The following TRABD2B variants were observed in gnomAD, a reference collection of about 807,000 sequenced individuals.
TRABD2B encodes TraB domain containing 2B.
A neutral mutation model predicts 40.1 loss-of-function variants in TRABD2B; 14 were observed. That is an observed-to-expected ratio of 0.35 (90% CI 0.23 to 0.55). The LOEUF is 0.55. TRABD2B is among the 20% of genes least tolerant of loss of function. The pLI, the probability that TRABD2B is intolerant of heterozygous loss-of-function variation, is 0.90. For missense variants in TRABD2B, 541 were observed against 648.6 expected, an observed-to-expected ratio of 0.83 and a Z score of 1.80; for synonymous variants, 263 against 277.0, an observed-to-expected ratio of 0.95 and a Z score of 0.50.
At chr1:47,870,441 T>C (rs1644123912) in intron 2 of TRABD2B, among the ~76,000 whole-genome samples, 1 of 152,144 alleles carries the variant, frequency 6.6e-6, no homozygotes, top group African/African-American at 2.4e-5. Context: ...CTTCCTCAAT[T>C]TCCTACACCC....
chr1:47,992,266 G>A lies in TRABD2B; in HGVS notation c.666+1768C>T, dbSNP rs112029259. Among the ~76,000 whole-genome samples the A allele has an allele frequency of 2.6e-3, 391 of 152,214 alleles. 2 individuals are homozygous for A. Among genetic ancestry groups the A allele is most frequent in the South Asian group, 0.017 (84 of 4,818 alleles). ...GGAGACTGTCAGCAGGCTCCCTCCC[G>A]GCCGATGAATGGCTCTCAGTAACTT... On this transcript the variant is annotated intron_variant, in intron 2 of 6. Coordinates refer to ENST00000606738, the MANE Select transcript of TRABD2B (RefSeq NM_001194986.2).
chr1:47,773,456 A>G (rs1016060196), intron 6 of TRABD2B, among the ~76,000 whole-genome samples: 2 of 152,236 alleles, frequency 1.3e-5, no homozygotes, highest in African/African-American at 4.8e-5. Context: ...CGTAACTCCC[A>G]TAATTCCCAC....
chr1:47,846,541 C>T (rs1364988089), intron 2 of TRABD2B, among the ~76,000 whole-genome samples: 5 of 152,152 alleles, frequency 3.3e-5, no homozygotes, highest in African/African-American at 7.2e-5. Flanking sequence ...GTGACCCTCA[C>T]GTCTGAGGTG....
At chr1:47,775,760 G>A (rs975819537) in intron 5 of TRABD2B, among the ~76,000 whole-genome samples, 6 of 152,186 alleles carry the variant, frequency 3.9e-5, no homozygotes, top group Admixed American at 3.9e-4. Flanking sequence ...CAAAGCAGCA[G>A]ACAGAGAGTA....
At chr1:47,874,041 A>ACTAC (rs1644182908) in intron 2 of TRABD2B, among the ~76,000 whole-genome samples, 1 of 152,080 alleles carries the variant, frequency 6.6e-6, no homozygotes, top group East Asian at 1.9e-4. Context: ...GAGAAAGAAG[A>ACTAC]CTACCTGTCT....
chr1:47,804,195 C>T (rs1644859482), intron 2 of TRABD2B, among the ~76,000 whole-genome samples: 1 of 152,224 alleles, frequency 6.6e-6, no homozygotes, highest in South Asian at 2.1e-4. Flanking sequence ...CAAAACTCCA[C>T]CTCTGGGCCT....
intron 2 of TRABD2B, among the ~76,000 whole-genome samples, chr1:47,931,532 G>T (rs574203114): frequency 3.9e-5 from 6 of 152,114 alleles, no homozygotes; most frequent in African/African-American, 1.4e-4. Context: ...AACACTGGCC[G>T]TTCCCACTTC....
At chr1:47,964,701 G>A (rs1339714854) in intron 2 of TRABD2B, among the ~76,000 whole-genome samples, 1 of 152,132 alleles carries the variant, frequency 6.6e-6, no homozygotes, top group Non-Finnish European at 1.5e-5. Flanking sequence ...TTCAACTAGG[G>A]TATTACGGTA....
At chr1:47,981,316 A>G (rs751433383) in intron 2 of TRABD2B, among the ~76,000 whole-genome samples, 83 of 152,254 alleles carry the variant, frequency 5.5e-4, no homozygotes, top group Non-Finnish European at 1.0e-3. Context: ...ACCCGGCCAC[A>G]TTCTCTCTTT....
In TRABD2B at chr1:47,813,952, G is replaced by C. The variant is rs984654694; in HGVS notation, c.667-12333C>G. ...GGGAGGAAGTTCCAGGAAGACTTGCGACAAGATCAAGTAACATTCATTAAG... is the reference window on the plus strand; with the variant it reads ...GGGAGGAAGTTCCAGGAAGACTTGCCACAAGATCAAGTAACATTCATTAAG... On this transcript the variant is annotated intron_variant, in intron 2 of 6. Coordinates refer to ENST00000606738, the MANE Select transcript of TRABD2B (RefSeq NM_001194986.2). The surrounding 1 kb of genome is among the most constrained non-coding windows in gnomAD (Gnocchi z 4.3). 6.6e-6 allele frequency among the ~76,000 whole-genome samples: 1 copy of C among 152,174 alleles called. No homozygotes were observed. Among genetic ancestry groups the C allele is most frequent in the Non-Finnish European group, 1.5e-5 (1 of 68,032 alleles).
intron 2 of TRABD2B, among the ~76,000 whole-genome samples, chr1:47,839,832 T>C (rs1158809824): frequency 1.3e-5 from 2 of 152,190 alleles, no homozygotes; most frequent in Admixed American, 6.5e-5. Flanking sequence ...TCCATAGCAG[T>C]AAAGCAGAAC....
In TRABD2B at chr1:47,762,064, A is replaced by G. The variant is rs975980531; in HGVS notation, c.*3838T>C. On this transcript the variant is annotated 3_prime_UTR_variant, in exon 7 of 7. Transcript: ENST00000606738. ...TTGTGATAGATGCTAAGAAAGCACA[A>G]AGGAATGGGAGGGGGCTTCCTGGAG... The G allele has an allele frequency of 2.0e-5, 3 of 152,110 alleles. No homozygotes were observed. The highest frequency in any genetic ancestry group is 6.6e-5 in the Admixed American group (1 of 15,250). The allele number at this position is 152,110 out of a possible 1,614,324, so 9.4% of individuals were successfully genotyped here. A position where few individuals can be genotyped will look rare whatever the true frequency, so the allele number is the denominator to read the frequency against.
intron 2 of TRABD2B, among the ~76,000 whole-genome samples, chr1:47,914,175 A>T (rs1644798826): frequency 6.6e-6 from 1 of 152,264 alleles, no homozygotes; most frequent in Admixed American, 6.5e-5. Context: ...AGCACCTGGC[A>T]GGTGACGTCG....
chr1:47,962,337 A>G (rs745964929), intron 2 of TRABD2B, among the ~76,000 whole-genome samples: 2 of 152,212 alleles, frequency 1.3e-5, no homozygotes, highest in Non-Finnish European at 2.9e-5. Flanking sequence ...CGTTATGCAC[A>G]TGTACCCTAG....
intron 3 of TRABD2B, among the ~76,000 whole-genome samples, chr1:47,797,126 T>C (rs1161030019): frequency 6.6e-6 from 1 of 152,252 alleles, no homozygotes; most frequent in Non-Finnish European, 1.5e-5. Context: ...TGCAGCTTAC[T>C]AGCTGAGTGG....
chr1:47,971,080 T>C (rs1240365573), intron 2 of TRABD2B, among the ~76,000 whole-genome samples: 1 of 152,212 alleles, frequency 6.6e-6, no homozygotes, highest in East Asian at 1.9e-4. Context: ...CTCTGCCTAA[T>C]GAAATTTGAT....
intron 2 of TRABD2B, among the ~76,000 whole-genome samples, chr1:47,882,279 C>T (rs189949899): frequency 3.9e-5 from 6 of 152,234 alleles, no homozygotes; most frequent in South Asian, 2.1e-4. Context: ...GGGGACTGCA[C>T]GTGTGTGCCT....
chr1:47,815,845 A>C (rs11211608), intron 2 of TRABD2B, among the ~76,000 whole-genome samples: 29,668 of 127,210 alleles, frequency 0.23, 3,332 homozygotes, highest in Non-Finnish European at 0.27. Context: ...AGATAGATAG[A>C]TAGATAGAAA....
chr1:47,915,278 G>C (rs889624587), intron 2 of TRABD2B, among the ~76,000 whole-genome samples: 4 of 152,146 alleles, frequency 2.6e-5, no homozygotes, highest in Non-Finnish European at 5.9e-5. Flanking sequence ...GCATTGCCTC[G>C]GTAGGCAACA....
Sources: gnomAD v4.1 joint callset for allele counts (sites outside exome capture counted in the v4.1 genomes callset) on GRCh38, gnomAD v4.1.1 for gene constraint, Gnocchi (gnomAD v3.1) non-coding constraint, MANE v1.5 for transcripts, NCBI Gene and HGNC (gene_info 2026-07-23, HGNC 2026-07-21) for gene names.